Variants in KIRREL3 observed in about 807,000 individuals in gnomAD.
The protein encoded by KIRREL3 is kin of IRRE-like protein 3.
Under a neutral mutation model 89.7 loss-of-function variants are expected in KIRREL3, and 36 were observed. That is an observed-to-expected ratio of 0.40 (90% CI 0.31 to 0.53). KIRREL3 has a LOEUF of 0.53. Ranked by LOEUF, KIRREL3 falls within the 20% of genes least tolerant of loss-of-function variation. The pLI, the probability that KIRREL3 is intolerant of heterozygous loss-of-function variation, is 0.49. For synonymous variants in KIRREL3, 445 were observed against 441.4 expected (o/e 1.01, Z -0.10); for missense variants, 864 against 1,056.6 (o/e 0.82, Z 2.53).
rs1194034009 is a variant in KIRREL3, at chr11:126,624,301, A to T, written c.56-61389T>A. 6.6e-5 allele frequency among the ~76,000 whole-genome samples: 10 copies of T among 152,192 alleles called. 1 individual carries two copies. The highest frequency in any genetic ancestry group is 6.5e-4 in the Admixed American group (10 of 15,284). On this transcript the variant is annotated intron_variant, in intron 1 of 16. Coordinates refer to ENST00000525144, the MANE Select transcript of KIRREL3 (RefSeq NM_032531.4). This position sits in a 1 kb window ranked among gnomAD's most constrained non-coding sequence, Gnocchi z 6.0. ...ATCATCAGTTATTCTCCCCAAACAG[A>T]TCATTCTTGTCTTCTCCTCTGATTT...
rs1001448791 is a variant in KIRREL3 at position 126,606,327 on chromosome 11, T to C, written c.56-43415A>G. Among the ~76,000 whole-genome samples the C allele has an allele frequency of 2.0e-5, 3 of 152,224 alleles. No homozygotes were observed. The highest frequency in any genetic ancestry group is 7.2e-5 in the African/African-American group (3 of 41,456). ...GTATCACTTACTAGCTGTGTCACTC[T>C]GGAGAATTTATGTAGTCTTTCTGTG... On this transcript the variant is annotated intron_variant, in intron 1 of 16. Transcript: ENST00000525144. The surrounding 1 kb of genome is among the most constrained non-coding windows in gnomAD (Gnocchi z 4.6).
intron 4 of KIRREL3, among the ~76,000 whole-genome samples, chr11:126,517,733 T>C (rs1958464102): frequency 6.6e-6 from 1 of 152,212 alleles, no homozygotes; most frequent in African/African-American, 2.4e-5. Flanking sequence ...CTCCTTACAG[T>C]GGAAGTCATG....
rs530374302 is a variant in KIRREL3 at position 126,695,108 on chromosome 11, G to A, written c.56-132196C>T. Among the ~76,000 whole-genome samples, 181 of 152,310 alleles carry A rather than the reference G, an allele frequency of 1.2e-3. 4 individuals carry two copies. The South Asian group carries it at 0.028, about 24-fold the overall frequency. ...ACAGCTTTCCTGCTACAGCGGCAGA[G>A]CAGGATAGCTATGAAAGAGACCGTG... On this transcript the variant is annotated intron_variant, in intron 1 of 16. Transcript: ENST00000525144.
chr11:126,919,418 C>T (rs76928868), intron 1 of KIRREL3, among the ~76,000 whole-genome samples: 3,384 of 152,298 alleles, frequency 0.022, 138 homozygotes, highest in African/African-American at 0.076. Flanking sequence ...GGCAAGTTTA[C>T]GGATCTGGAG....
Position 126,496,589 on chromosome 11 carries a change from C to A in KIRREL3, c.434-23123G>T, listed in dbSNP as rs1957662145. 6.6e-6 allele frequency among the ~76,000 whole-genome samples: 1 copy of A among 152,042 alleles called. No individual in the cohort carries two copies. The highest frequency in any genetic ancestry group is 1.5e-5 in the Non-Finnish European group (1 of 68,008). On this transcript the variant is annotated intron_variant, in intron 4 of 16. Transcript: ENST00000525144. This position sits in a 1 kb window ranked among gnomAD's most constrained non-coding sequence, Gnocchi z 4.9. ...ATGGAGGCAAAGGGAAGGAAGACCACATCCACAGGGTCTTGGGAGGTGGGG... is the reference window on the plus strand; with the variant it reads ...ATGGAGGCAAAGGGAAGGAAGACCAAATCCACAGGGTCTTGGGAGGTGGGG...
chr11:126,589,596 A>T (rs1379030118), intron 1 of KIRREL3, among the ~76,000 whole-genome samples: 1 of 152,226 alleles, frequency 6.6e-6, no homozygotes, highest in Non-Finnish European at 1.5e-5. Context: ...TCACTGGTGC[A>T]TAGTAACACA....
chr11:126,744,573 T>C lies in KIRREL3; in HGVS notation c.56-181661A>G, dbSNP rs1949082927. 6.6e-6 allele frequency among the ~76,000 whole-genome samples: 1 copy of C among 152,186 alleles called. No individual in the cohort carries two copies. Among genetic ancestry groups the C allele is most frequent in the African/African-American group, 2.4e-5 (1 of 41,448 alleles). ...GACCTCAATTTTCAAAGTGTGTATC[T>C]GGAACAATACAGAACAGACAGAGCC... On this transcript the variant is annotated intron_variant, in intron 1 of 16. Coordinates refer to ENST00000525144, the MANE Select transcript of KIRREL3 (RefSeq NM_032531.4). This position sits in a 1 kb window ranked among gnomAD's most constrained non-coding sequence, Gnocchi z 4.7.
intron 5 of KIRREL3, among the ~76,000 whole-genome samples, chr11:126,466,380 A>G (rs541073832): frequency 7.3e-4 from 111 of 152,340 alleles, no homozygotes; most frequent in African/African-American, 2.5e-3. Flanking sequence ...GGGGGACCCC[A>G]GGCCCCGTGC....
chr11:126,838,407 G>A, intron 1 of KIRREL3, among the ~76,000 whole-genome samples: 1 of 152,174 alleles, frequency 6.6e-6, no homozygotes. Context: ...AATAAATCAT[G>A]GGGAAAAAGA....
intron 11 of KIRREL3, among the ~76,000 whole-genome samples, chr11:126,439,018 G>A (rs568202537): frequency 6.6e-6 from 1 of 152,298 alleles, no homozygotes; most frequent in South Asian, 2.1e-4. Flanking sequence ...TTTTCCCCGA[G>A]TAGTGCTATA....
In KIRREL3 at chr11:126,985,045, G is replaced by A. The variant is rs1949822474; in HGVS notation, c.55+15410C>T. Among the ~76,000 whole-genome samples, 1 of 152,176 alleles carries A rather than the reference G, an allele frequency of 6.6e-6. No individual in the cohort carries two copies. Among genetic ancestry groups the A allele is most frequent in the African/African-American group, 2.4e-5 (1 of 41,440 alleles). ...GAGGAAGACCATAATTAATGTGAAA[G>A]TGTTCTGGAACTATGAAATACTATA... On this transcript the variant is annotated intron_variant, in intron 1 of 16. Transcript: ENST00000525144. The surrounding 1 kb of genome is among the most constrained non-coding windows in gnomAD (Gnocchi z 5.3).
At chr11:126,828,403 A>C (rs979674975) in intron 1 of KIRREL3, among the ~76,000 whole-genome samples, 7 of 152,188 alleles carry the variant, frequency 4.6e-5, no homozygotes, top group Admixed American at 3.9e-4. Context: ...ATCAAGCCTT[A>C]GTCTCTCCTA....
chr11:126,439,805 G>A (rs547246099), intron 11 of KIRREL3, among the ~76,000 whole-genome samples: 1 of 151,632 alleles, frequency 6.6e-6, no homozygotes, highest in African/African-American at 2.4e-5. Flanking sequence ...GTGATAGAGC[G>A]AGACTCCATC....
At chr11:126,435,453 G>A in intron 12 of KIRREL3, 150 bp from the exon 13 acceptor site, 3 of 768,508 alleles carry the variant, frequency 3.9e-6, no homozygotes, top group Non-Finnish European at 4.4e-6. Flanking sequence ...GGCTAGCCCA[G>A]CTGAACTTGG....
At chr11:126,886,971 T>C (rs536988428) in intron 1 of KIRREL3, among the ~76,000 whole-genome samples, 58 of 151,946 alleles carry the variant, frequency 3.8e-4, no homozygotes, top group Non-Finnish European at 7.4e-4. Context: ...AAAAGGATAA[T>C]TGTTCTGAGC....
intron 1 of KIRREL3, among the ~76,000 whole-genome samples, chr11:126,680,918 T>C (rs944516368): frequency 6.6e-6 from 1 of 152,202 alleles, no homozygotes; most frequent in African/African-American, 2.4e-5. Flanking sequence ...GAATATATTA[T>C]ATGAAAAATG....
At chr11:126,469,044 C>A (rs566479343) in intron 5 of KIRREL3, among the ~76,000 whole-genome samples, 2 of 152,142 alleles carry the variant, frequency 1.3e-5, no homozygotes, top group African/African-American at 4.8e-5. Flanking sequence ...GTTGCAAGCT[C>A]GCTATGTGCC....
upstream of KIRREL3, among the ~76,000 whole-genome samples, chr11:127,002,377 AG>A (rs1950330389): frequency 6.6e-6 from 1 of 152,256 alleles, no homozygotes; most frequent in Non-Finnish European, 1.5e-5. Context: ...AGAAACTAAA[AG>A]GACACAAAAG....
rs1947478096 is a variant in KIRREL3 at position 126,923,201 on chromosome 11, CTT to C, written c.55+77252_55+77253del. Among the ~76,000 whole-genome samples, 2 of 17,236 alleles carry C rather than the reference CTT, an allele frequency of 1.2e-4. 1 individual carries two copies. Among genetic ancestry groups the C allele is most frequent in the African/African-American group, 5.5e-4 (2 of 3,642 alleles). 11.3% of individuals were successfully genotyped at this position (17,236 alleles called of 152,430 possible). ...CTCTTCTTCTTCTCTTCTTCTTCTT[CTT>C]CTTCTTCTTCTTCTTCTTCTTCTTC... On this transcript the variant is annotated intron_variant, in intron 1 of 16. Coordinates refer to ENST00000525144, the MANE Select transcript of KIRREL3 (RefSeq NM_032531.4).
Sources: allele counts gnomAD v4.1 joint callset (sites outside exome capture counted in the v4.1 genomes callset), GRCh38; gene constraint gnomAD v4.1.1; non-coding constraint Gnocchi (gnomAD v3.1); transcripts MANE v1.5; gene names NCBI Gene and HGNC (gene_info 2026-07-23, HGNC 2026-07-21).